Variants in HABP2 observed in about 807,000 individuals in gnomAD.
HABP2 encodes the protein hyaluronan binding protein 2.
A neutral mutation model predicts 66.5 loss-of-function variants in HABP2; 65 were observed. The ratio of observed to expected loss-of-function variants is 0.98; its 90% CI spans 0.80 to 1.20. The LOEUF (loss-of-function observed/expected upper bound fraction) is 1.20, where lower values mean the gene tolerates loss of function less well. HABP2 is among the 50% of genes most tolerant of loss of function. The pLI is 0.00. For missense variants in HABP2, 786 were observed against 691.0 expected, an observed-to-expected ratio of 1.14 and a Z score of -1.54; for synonymous variants, 263 against 253.9, an observed-to-expected ratio of 1.04 and a Z score of -0.34.
chr10:113,577,124 T>C, intron 4 of HABP2, 26 bp from the exon 5 acceptor site: 1 of 1,250,890 alleles, frequency 8.0e-7, no homozygotes, highest in South Asian at 1.2e-5. Context: ...CCCCAAATAA[T>C]GTCTTATGTT....
chr10:113,582,037 T>A lies in HABP2; in HGVS notation c.1000T>A (p.Ser334Thr). The change falls in exon 9 of 13, where the codon TCG becomes ACG. Residue 334 changes from serine (S) to threonine (T), a missense_variant. Coordinates refer to ENST00000351270, the MANE Select transcript of HABP2 (RefSeq NM_004132.5). ...CCCATGGCAGGCGTCCCTCCAGTCC[T>A]CGCTGCCTCTGACCATCTCCATGCC... ...KHPWQASLQS[S>T]LPLTISMPQG... is the part of the protein sequence containing the mutation. 1 of 1,614,008 alleles carries A rather than the reference T, an allele frequency of 6.2e-7. No individual in the cohort carries two copies. Among genetic ancestry groups the A allele is most frequent in the Non-Finnish European group, 8.5e-7 (1 of 1,179,992 alleles).
chr10:113,561,202 G>T (rs529859876), intron 1 of HABP2, among the ~76,000 whole-genome samples: 150 of 152,284 alleles, frequency 9.9e-4, no homozygotes, highest in African/African-American at 3.5e-3. Context: ...TGGGGGTGGG[G>T]AGTGTATACG....
At chr10:113,578,600 C>G (rs1007282510) in intron 6 of HABP2, 27 bp from the exon 7 acceptor site, 1 of 1,578,274 alleles carries the variant, frequency 6.3e-7, no homozygotes. Context: ...GCTGTTGGTT[C>G]TCACATTGCT....
rs1370149236 is a variant in HABP2 at position 113,553,249 on chromosome 10, A to C, written c.69+59A>C. On this transcript the variant is annotated intron_variant, in intron 1 of 12. Coordinates refer to ENST00000351270, the MANE Select transcript of HABP2 (RefSeq NM_004132.5). ...GACTCCGAAGTTTACTAGGAGGACC[A>C]AGCTAGGCTGGGAGTGATGAGAAAC... is the stretch of plus-strand genomic sequence containing the variant. The C allele has an allele frequency of 2.3e-5, 29 of 1,246,040 alleles. No individual in the cohort carries two copies. In the South Asian group the frequency reaches 3.4e-4, roughly 14 times the overall value. 77.2% of individuals were successfully genotyped at this position (1,246,040 alleles called of 1,614,324 possible).
At chr10:113,566,326 A>G (rs1446263838) in intron 1 of HABP2, among the ~76,000 whole-genome samples, 4 of 152,290 alleles carry the variant, frequency 2.6e-5, no homozygotes, top group Non-Finnish European at 5.9e-5. Flanking sequence ...AACTTTATTT[A>G]CAAAAACAAA....
chr10:113,555,660 C>T (rs1844978462), intron 1 of HABP2, among the ~76,000 whole-genome samples: 1 of 152,174 alleles, frequency 6.6e-6, no homozygotes, highest in African/African-American at 2.4e-5. Flanking sequence ...AACTCCAGGG[C>T]ATCATTCATT....
Position 113,585,920 on chromosome 10 carries a change from TG to T in HABP2, c.1503del (p.Gln502LysfsTer12). On this transcript the variant is annotated frameshift_variant, in exon 12 of 13. Coordinates refer to ENST00000351270, the MANE Select transcript of HABP2 (RefSeq NM_004132.5). LOFTEE classifies it high-confidence loss of function. Reference sequence around the variant, plus strand: ...TCTGTGCAGGAAATCTTCAGAAACCTGGGCAAGACACCTGCCAGGTCAGAGA... The same window carrying T: ...TCTGTGCAGGAAATCTTCAGAAACCTGGCAAGACACCTGCCAGGTCAGAGA... ...MICAGNLQKP[G>X]QDTCQGDSGG... is the part of the protein sequence containing the mutation. The T allele has an allele frequency of 6.2e-7, 1 of 1,614,048 alleles. No individual in the cohort carries two copies. Among genetic ancestry groups the T allele is most frequent in the Non-Finnish European group, 8.5e-7 (1 of 1,179,922 alleles).
At chr10:113,573,523 G>T (rs1280125531) in intron 2 of HABP2, among the ~76,000 whole-genome samples, 1 of 152,166 alleles carries the variant, frequency 6.6e-6, no homozygotes, top group Non-Finnish European at 1.5e-5. Flanking sequence ...GAGATTTAGG[G>T]GTTGTACGGA....
chr10:113,558,857 A>C (rs1034529422), intron 1 of HABP2, among the ~76,000 whole-genome samples: 1 of 151,630 alleles, frequency 6.6e-6, no homozygotes, highest in Non-Finnish European at 1.5e-5. Context: ...TGCTTGTCTT[A>C]ATTTTTTTTT....
At position 113,588,188 on chromosome 10, in the gene HABP2, GC is replaced by G; in HGVS notation, c.1519-15del. On this transcript the variant is annotated splice_polypyrimidine_tract_variant and intron_variant, in intron 12 of 12. Coordinates refer to ENST00000351270, the MANE Select transcript of HABP2 (RefSeq NM_004132.5). ...CTCTGGTTCACGAGGATGAGCTTAT[GC>G]CTCTGTTTCCCTTAGGGTGACTCTG... 6.3e-7 allele frequency: 1 copy of G among 1,583,488 alleles called. No homozygotes were observed. Among genetic ancestry groups the G allele is most frequent in the Non-Finnish European group, 8.6e-7 (1 of 1,165,106 alleles).
intron 4 of HABP2, among the ~76,000 whole-genome samples, chr10:113,576,706 T>C (rs1231414062): frequency 6.6e-6 from 1 of 152,224 alleles, no homozygotes; most frequent in African/African-American, 2.4e-5. Context: ...CGGTGCCCTC[T>C]TCACTTATTC....
Position 113,589,407 on chromosome 10 carries a change from A to G in HABP2, c.*1038A>G, listed in dbSNP as rs1052162228. 5.0e-5 allele frequency: 29 copies of G among 578,200 alleles called. No homozygotes were observed. In the Admixed American group the frequency reaches 8.9e-4, roughly 18 times the overall value. The allele number at this position is 578,200 out of a possible 1,614,324, so 35.8% of individuals were successfully genotyped here. A position where few individuals can be genotyped will look rare whatever the true frequency, so the allele number is the denominator to read the frequency against. On this transcript the variant is annotated 3_prime_UTR_variant, in exon 13 of 13. Transcript: ENST00000351270. ...ACAGCCTGGGCTGCCCTGGCCCGGG[A>G]TTGATGTAGCCCCGGTAGGTTTGCC...
At chr10:113,580,356 C>A (rs983392621) in intron 7 of HABP2, among the ~76,000 whole-genome samples, 1 of 152,192 alleles carries the variant, frequency 6.6e-6, no homozygotes, top group African/African-American at 2.4e-5. Flanking sequence ...GTGGATCTGG[C>A]ATGAGACTTG....
rs1269885197 is a variant in HABP2 at position 113,589,543 on chromosome 10, G to C, written c.*1174G>C. The stretch of plus-strand genomic sequence containing the variant: ...TGAAATTAGGCGCCTTGTTTGAGCT[G>C]CGTTTCACACTTCTTTAGAGCTAGC... On this transcript the variant is annotated 3_prime_UTR_variant, in exon 13 of 13. Transcript: ENST00000351270. 8.3e-7 allele frequency: 1 copy of C among 1,203,978 alleles called. No homozygotes were observed. The highest frequency in any genetic ancestry group is 1.5e-5 in the African/African-American group (1 of 66,010). The allele number at this position is 1,203,978 out of a possible 1,614,324, so 74.6% of individuals were successfully genotyped here.
intron 1 of HABP2, among the ~76,000 whole-genome samples, chr10:113,557,794 T>C (rs1845025510): frequency 1.3e-5 from 2 of 152,242 alleles, no homozygotes; most frequent in African/African-American, 4.8e-5. Flanking sequence ...ACGTATGAAG[T>C]CTTTACATTT....
rs199525055 is a variant in HABP2 at position 113,582,157 on chromosome 10, A to T, written c.1094+26A>T. 141 of 1,584,352 alleles carry T rather than the reference A, an allele frequency of 8.9e-5. 1 individual carries two copies. The East Asian group carries it at 3.1e-3, about 34-fold the overall frequency. On this transcript the variant is annotated intron_variant, in intron 9 of 12. Coordinates refer to ENST00000351270, the MANE Select transcript of HABP2 (RefSeq NM_004132.5). ...GTAGGTGCCGCTGGGAGCAGGGACC[A>T]GGGTGGCTTGAGTGGCTGGGGGTGC...
chr10:113,553,178 G>T lies in HABP2; in HGVS notation c.57G>T (p.Lys19Asn), dbSNP rs1201322958. The T allele has an allele frequency of 1.2e-6, 2 of 1,610,894 alleles. No homozygotes were observed. The highest frequency in any genetic ancestry group is 1.7e-6 in the Non-Finnish European group (2 of 1,176,990). Residue 19 changes from lysine to asparagine, a missense_variant, in exon 1 of 13, where the codon AAG becomes AAT. Physicochemically the swap from Lys to Asn is moderately conservative, Grantham distance 94. Transcript: ENST00000351270. ...HVLLLMALVG[K>N]TACGFSLMSL... Reference sequence around the variant, plus strand: ...TGCTGTTAATGGCTCTGGTGGGAAAGACAGCCTGTGGGGTAAGTGTTCTTT... The same window carrying T: ...TGCTGTTAATGGCTCTGGTGGGAAATACAGCCTGTGGGGTAAGTGTTCTTT...
chr10:113,577,924 G>C, intron 5 of HABP2, 102 bp from the exon 6 acceptor site: 2 of 1,396,048 alleles, frequency 1.4e-6, no homozygotes, highest in Admixed American at 4.0e-5. Flanking sequence ...TTTCGCGAAA[G>C]GATGGACACC....
At position 113,589,132 on chromosome 10, in the gene HABP2, CCCGGCCCCGGTT is replaced by C; in HGVS notation, c.*766_*777del. 6.8e-7 allele frequency: 1 copy of C among 1,469,568 alleles called. No individual in the cohort carries two copies. The highest frequency in any genetic ancestry group is 1.7e-5 in the Admixed American group (1 of 59,102). The allele number at this position is 1,469,568 out of a possible 1,614,324, so 91.0% of individuals were successfully genotyped here. On this transcript the variant is annotated 3_prime_UTR_variant, in exon 13 of 13. Transcript: ENST00000351270. Reference sequence around the variant, plus strand: ...AAAATGAAGCTCCCCCACCCCCACTCCCGGCCCCGGTTCCCACAGGACACGCTAAGAAGCACA... The same window carrying C: ...AAAATGAAGCTCCCCCACCCCCACTCCCCACAGGACACGCTAAGAAGCACA...
Sources: gnomAD v4.1 joint callset for allele counts (sites outside exome capture counted in the v4.1 genomes callset) on GRCh38, gnomAD v4.1.1 for gene constraint, MANE v1.5 for transcripts, NCBI Gene and HGNC (gene_info 2026-07-23, HGNC 2026-07-21) for gene names.